Variants in PRSS23 observed in about 807,000 individuals in gnomAD.
PRSS23 encodes the protein protease, serine 23.
Under a neutral mutation model 34.7 loss-of-function variants are expected in PRSS23, and 25 were observed. That is an observed-to-expected ratio of 0.72 (90% confidence interval 0.53 to 1.01). The LOEUF (loss-of-function observed/expected upper bound fraction) is 1.01, where lower values mean the gene tolerates loss of function less well. Among genes scored for constraint, PRSS23 ranks in the 50% least tolerant of loss-of-function variants. The pLI is 0.00. For synonymous variants in PRSS23, 176 were observed against 186.6 expected, an observed-to-expected ratio of 0.94 and a Z score of 0.46; for missense variants, 445 against 475.6, an observed-to-expected ratio of 0.94 and a Z score of 0.60.
At chr11:86,878,778 G>A (rs1436980350) in intron 2 of PRSS23, among the ~76,000 whole-genome samples, 1 of 151,458 alleles carries the variant, frequency 6.6e-6, no homozygotes, top group Non-Finnish European at 1.5e-5. Flanking sequence ...GGAAAGTGAG[G>A]AGCGTCTCTG....
chr11:86,878,648 C>A (rs1294082305), intron 2 of PRSS23, among the ~76,000 whole-genome samples: 1 of 152,056 alleles, frequency 6.6e-6, no homozygotes, highest in Non-Finnish European at 1.5e-5. Context: ...CTTGGCCTCC[C>A]AAAGTGCCGA....
At chr11:86,876,768 G>A (rs1948727395) in intron 2 of PRSS23, among the ~76,000 whole-genome samples, 1 of 151,824 alleles carries the variant, frequency 6.6e-6, no homozygotes, top group African/African-American at 2.4e-5. Flanking sequence ...TCATTTCAAA[G>A]CAACCTATGG....
intron 2 of PRSS23, among the ~76,000 whole-genome samples, chr11:86,922,660 A>C (rs1344818893): frequency 6.6e-6 from 1 of 152,216 alleles, no homozygotes; most frequent in Non-Finnish European, 1.5e-5. Flanking sequence ...CTAAAGATAT[A>C]GATATTCTCT....
intron 2 of PRSS23, chr11:86,909,089 T>C (rs147308616): frequency 6.6e-6 from 1 of 152,192 alleles, no homozygotes; most frequent in East Asian, 1.9e-4. Context: ...TTGTGCACCA[T>C]GTAATGTCAG....
At chr11:86,821,018 A>G (rs1358523977) in intron 1 of PRSS23, 1 of 187,516 alleles carries the variant, frequency 5.3e-6, no homozygotes. Context: ...AACCCAGCAT[A>G]CAAAAACTTA....
intron 2 of PRSS23, among the ~76,000 whole-genome samples, chr11:86,852,139 A>T (rs1387098791): frequency 2.6e-5 from 4 of 152,172 alleles, no homozygotes; most frequent in Admixed American, 2.6e-4. Context: ...CACGGAGAAC[A>T]GGTCCACTGT....
upstream of PRSS23, among the ~76,000 whole-genome samples, chr11:86,799,513 T>A (rs1948005446): frequency 6.6e-6 from 1 of 152,160 alleles, no homozygotes; most frequent in African/African-American, 2.4e-5. Context: ...AACCTCCTGT[T>A]CCTTATAAAA....
At chr11:86,853,122 G>A (rs1275020580) in intron 2 of PRSS23, among the ~76,000 whole-genome samples, 8 of 151,348 alleles carry the variant, frequency 5.3e-5, no homozygotes, top group African/African-American at 1.9e-4. Flanking sequence ...CCAAAGTACT[G>A]GGGTTACAGG....
upstream of PRSS23, among the ~76,000 whole-genome samples, chr11:86,798,916 A>G (rs1948000086): frequency 2.0e-5 from 3 of 152,154 alleles, no homozygotes; most frequent in African/African-American, 7.2e-5. Context: ...GCTGGTCTCA[A>G]ACTCCTAAGT....
intron 1 of PRSS23, among the ~76,000 whole-genome samples, chr11:86,818,075 G>A (rs1175498995): frequency 6.6e-6 from 1 of 152,210 alleles, no homozygotes; most frequent in Admixed American, 6.5e-5. Flanking sequence ...CCTTGATGAA[G>A]AGGCTTAATC....
intron 2 of PRSS23, chr11:86,945,869 G>GTAC (rs1949238369): frequency 6.6e-6 from 1 of 152,546 alleles, no homozygotes; most frequent in African/African-American, 2.4e-5. Flanking sequence ...AAGTTTGCCT[G>GTAC]GTACCTCTTT....
chr11:86,841,647 A>G (rs1471876273), intron 2 of PRSS23, among the ~76,000 whole-genome samples: 1 of 152,210 alleles, frequency 6.6e-6, no homozygotes, highest in African/African-American at 2.4e-5. Context: ...TCAGAATACT[A>G]TAAACACCTC....
Position 86,939,126 on chromosome 11 carries a change from CG to C in PRSS23, c.207-12089del, listed in dbSNP as rs979713976. ...AGAGAAGAGAACATCGCCAGAAACA[CG>C]TAAGGGAAACGTTTCCATGTCACTA... On this transcript the variant is annotated intron_variant, in intron 2 of 2. Coordinates refer to the PRSS23 transcript ENST00000533902. The C allele has an allele frequency of 1.5e-5, 6 of 395,204 alleles. No homozygotes were observed. The Admixed American group carries it at 2.0e-4, about 13-fold the overall frequency. 24.5% of individuals were successfully genotyped at this position (395,204 alleles called of 1,614,324 possible).
intron 2 of PRSS23, among the ~76,000 whole-genome samples, chr11:86,830,373 G>A (rs572442062): frequency 6.6e-6 from 1 of 152,160 alleles, no homozygotes; most frequent in Non-Finnish European, 1.5e-5. Context: ...GGAGTGACCC[G>A]ATTTTCCAGG....
intron 2 of PRSS23, among the ~76,000 whole-genome samples, chr11:86,901,915 G>T (rs1191908175): frequency 2.0e-5 from 3 of 152,058 alleles, no homozygotes; most frequent in Non-Finnish European, 4.4e-5. Flanking sequence ...TGAAAACCAG[G>T]GTACTTCTGG....
chr11:86,949,646 C>T (rs1382170161), intron 2 of PRSS23: 1 of 152,608 alleles, frequency 6.6e-6, no homozygotes, highest in Non-Finnish European at 1.5e-5. Context: ...CTGGGGGTAC[C>T]CCCTTGTGAA....
intron 1 of PRSS23, among the ~76,000 whole-genome samples, chr11:86,816,658 G>A (rs542851621): frequency 6.6e-6 from 1 of 152,262 alleles, no homozygotes; most frequent in Admixed American, 6.5e-5. Flanking sequence ...TGGGACATAA[G>A]GACACTGTTT....
intron 2 of PRSS23, among the ~76,000 whole-genome samples, chr11:86,882,297 C>T (rs1948776754): frequency 6.6e-6 from 1 of 152,134 alleles, no homozygotes; most frequent in African/African-American, 2.4e-5. Context: ...CCAATTATTT[C>T]ATCACCCAGG....
At chr11:86,819,553 G>A (rs1376029478) in intron 1 of PRSS23, among the ~76,000 whole-genome samples, 1 of 152,048 alleles carries the variant, frequency 6.6e-6, no homozygotes, top group Non-Finnish European at 1.5e-5. Context: ...GTGAACATAA[G>A]GCTTCTTAAG....
Sources: gnomAD v4.1 joint callset for allele counts (sites outside exome capture counted in the v4.1 genomes callset) on GRCh38, gnomAD v4.1.1 for gene constraint, MANE v1.5 for transcripts, NCBI Gene and HGNC (gene_info 2026-07-23, HGNC 2026-07-21) for gene names.